Variants in PTPN4 observed in about 807,000 individuals in gnomAD.
PTPN4 encodes tyrosine-protein phosphatase non-receptor type 4.
PTPN4 carries 49 observed loss-of-function variants against 135.5 expected under a neutral mutation model. The observed-to-expected ratio is 0.36, with a 90% confidence interval of 0.29 to 0.46. PTPN4 has a LOEUF of 0.46. Ranked by LOEUF, PTPN4 falls within the 20% of genes least tolerant of loss-of-function variation. PTPN4 has a pLI of 1.00. For missense variants in PTPN4, 860 were observed against 1,101.0 expected (o/e 0.78, Z 3.10); for synonymous variants, 333 against 369.9 (o/e 0.90, Z 1.14).
chr2:119,795,337 C>T lies in PTPN4; in HGVS notation c.-17-14500C>T, dbSNP rs182756033. On this transcript the variant is annotated intron_variant, in intron 1 of 26. Coordinates refer to ENST00000263708, the MANE Select transcript of PTPN4 (RefSeq NM_002830.4). ...GGGGACCTGGCTGGCCTCTTCCACCCAGGAGCCTGACTCCTGCCACCGTTC... is the reference window on the plus strand; with the variant it reads ...GGGGACCTGGCTGGCCTCTTCCACCTAGGAGCCTGACTCCTGCCACCGTTC... Among the ~76,000 whole-genome samples the T allele has an allele frequency of 1.5e-3, 232 of 152,328 alleles. 1 individual carries two copies. The highest frequency in any genetic ancestry group is 5.3e-3 in the African/African-American group (222 of 41,580).
chr2:119,868,868 CT>C (rs776962680), intron 3 of PTPN4, among the ~76,000 whole-genome samples: 25 of 152,100 alleles, frequency 1.6e-4, no homozygotes, highest in Admixed American at 7.9e-4. Flanking sequence ...TGTGAGACCC[CT>C]GATTTCCCAC....
chr2:119,820,871 T>TGTATATA (rs1677056229), intron 2 of PTPN4, among the ~76,000 whole-genome samples: 2 of 137,122 alleles, frequency 1.5e-5, no homozygotes, highest in African/African-American at 2.7e-5. Context: ...ATACACAGCT[T>TGTATATA]TACATACACA....
chr2:119,792,731 T>TTTTCTCA (rs1691171767), intron 1 of PTPN4, among the ~76,000 whole-genome samples: 1 of 152,126 alleles, frequency 6.6e-6, no homozygotes, highest in Non-Finnish European at 1.5e-5. Flanking sequence ...TTTCCCTAAG[T>TTTTCTCA]GTCAGCCGGT....
chr2:119,790,392 C>T (rs1183700721), intron 1 of PTPN4, among the ~76,000 whole-genome samples: 1 of 151,912 alleles, frequency 6.6e-6, no homozygotes, highest in African/African-American at 2.4e-5. Flanking sequence ...TTTTTAGCTG[C>T]ATATATGTTT....
chr2:119,932,577 A>G lies in PTPN4; in HGVS notation c.1196+28A>G, dbSNP rs2105037939. ...AAGTGTGAATTTTGTGACCAACATC[A>G]GGTGTGAATTTTGCTAATTTCTAAT... On this transcript the variant is annotated intron_variant, in intron 14 of 26. Transcript: ENST00000263708. The G allele has an allele frequency of 5.1e-6, 8 of 1,554,078 alleles. No homozygotes were observed. In the East Asian group the frequency reaches 1.6e-4, roughly 32 times the overall value.
At chr2:119,883,757 A>G (rs191771484) in intron 8 of PTPN4, among the ~76,000 whole-genome samples, 2 of 152,336 alleles carry the variant, frequency 1.3e-5, no homozygotes. Flanking sequence ...CTCTGGAGTT[A>G]CTGTAGGTCT....
intron 13 of PTPN4, among the ~76,000 whole-genome samples, chr2:119,926,974 A>G (rs192498504): frequency 1.8e-4 from 28 of 152,184 alleles, no homozygotes; most frequent in Admixed American, 9.2e-4. Flanking sequence ...TTTTTGAGAA[A>G]TATAGTGACT....
chr2:119,804,744 G>A (rs1030613220), intron 1 of PTPN4, among the ~76,000 whole-genome samples: 17 of 152,126 alleles, frequency 1.1e-4, no homozygotes, highest in Admixed American at 9.8e-4. Context: ...AAACATACAC[G>A]TGTATGTGTC....
intron 2 of PTPN4, among the ~76,000 whole-genome samples, chr2:119,823,225 T>C (rs1326895944): frequency 2.6e-5 from 4 of 151,868 alleles, no homozygotes; most frequent in Non-Finnish European, 4.4e-5. Context: ...TGGATATACT[T>C]CATCTGTTTC....
chr2:119,838,472 A>G (rs546501270), intron 2 of PTPN4, among the ~76,000 whole-genome samples: 1 of 152,318 alleles, frequency 6.6e-6, no homozygotes, highest in East Asian at 1.9e-4. Flanking sequence ...CCCCTGCTGC[A>G]GGTCTGCAGA....
chr2:119,876,993 GTTAGA>G (rs1292800130), intron 3 of PTPN4, among the ~76,000 whole-genome samples: 6 of 149,084 alleles, frequency 4.0e-5, no homozygotes, highest in African/African-American at 1.5e-4. Flanking sequence ...AAGAAATATA[GTTAGA>G]TTAATGTGAA....
At chr2:119,787,913 A>G (rs1182234559) in intron 1 of PTPN4, among the ~76,000 whole-genome samples, 4 of 152,168 alleles carry the variant, frequency 2.6e-5, no homozygotes, top group Non-Finnish European at 4.4e-5. Context: ...GGTATTAAAG[A>G]CTAGTATTAG....
At chr2:119,794,753 C>T (rs986118499) in intron 1 of PTPN4, among the ~76,000 whole-genome samples, 2 of 152,046 alleles carry the variant, frequency 1.3e-5, no homozygotes, top group African/African-American at 2.4e-5. Context: ...AGGTGTGTTT[C>T]AGCCCTGTTT....
At chr2:119,956,995 A>G (rs1188715096) in intron 21 of PTPN4, 21 bp from the exon 22 acceptor site, 2 of 1,606,356 alleles carry the variant, frequency 1.2e-6, no homozygotes, top group Non-Finnish European at 1.7e-6. Flanking sequence ...CTAAAACATT[A>G]TTTCTTTTAA....
chr2:119,862,535 G>T lies in PTPN4; in HGVS notation c.139-1G>T. 17 of 1,554,760 alleles carry T rather than the reference G, an allele frequency of 1.1e-5. No individual in the cohort carries two copies. Among genetic ancestry groups the T allele is most frequent in the Non-Finnish European group, 1.4e-5 (16 of 1,142,718 alleles). Reference sequence around the variant, plus strand: ...CATTCAATTTTTTTTTTTTTTTACAGAAACATGATCAGGGGCAAGTCTTGT... The same window carrying T: ...CATTCAATTTTTTTTTTTTTTTACATAAACATGATCAGGGGCAAGTCTTGT... On this transcript the variant is annotated splice_acceptor_variant, in intron 2 of 26. Transcript: ENST00000263708. LOFTEE classifies it high-confidence loss of function.
At chr2:119,901,228 C>G (rs991104074) in intron 10 of PTPN4, among the ~76,000 whole-genome samples, 1 of 152,182 alleles carries the variant, frequency 6.6e-6, no homozygotes, top group African/African-American at 2.4e-5. Context: ...CCGAAGATCG[C>G]AGCCAAGAGG....
chr2:119,808,917 T>G (rs1394608967), intron 1 of PTPN4, among the ~76,000 whole-genome samples: 1 of 152,222 alleles, frequency 6.6e-6, no homozygotes, highest in Non-Finnish European at 1.5e-5. Context: ...TCATTATATT[T>G]TGCTTACTCA....
At chr2:119,890,190 A>G (rs1270272374) in intron 9 of PTPN4, among the ~76,000 whole-genome samples, 1 of 151,426 alleles carries the variant, frequency 6.6e-6, no homozygotes, top group Non-Finnish European at 1.5e-5. Flanking sequence ...GGGTACTCCA[A>G]TGTTTGGTGC....
intron 2 of PTPN4, among the ~76,000 whole-genome samples, chr2:119,837,645 G>A (rs952445386): frequency 2.0e-5 from 3 of 152,246 alleles, no homozygotes; most frequent in Admixed American, 1.3e-4. Context: ...TGTGGGCAAC[G>A]AGAAGGAGAG....
Sources: allele counts gnomAD v4.1 joint callset (sites outside exome capture counted in the v4.1 genomes callset), GRCh38; gene constraint gnomAD v4.1.1; transcripts MANE v1.5; gene names NCBI Gene and HGNC (gene_info 2026-07-23, HGNC 2026-07-21).